The following RFX2 variants were observed in gnomAD, a reference collection of about 807,000 sequenced individuals.
The protein encoded by RFX2 is DNA-binding protein RFX2.
RFX2 carries 20 observed loss-of-function variants against 87.8 expected under a neutral mutation model. The ratio of observed to expected loss-of-function variants is 0.23; its 90% CI spans 0.16 to 0.33. RFX2 has a LOEUF of 0.33. RFX2 is among the 10% of genes least tolerant of loss of function. The pLI is 1.00. For synonymous variants in RFX2, 397 were observed against 431.3 expected (o/e 0.92, Z 0.98); for missense variants, 767 against 1,012.3 (o/e 0.76, Z 3.29).
chr19:6,031,423 CTTTT>C (rs58834364), intron 5 of RFX2, among the ~76,000 whole-genome samples: 4 of 90,186 alleles, frequency 4.4e-5, no homozygotes, highest in African/African-American at 1.7e-4. Context: ...TTCTCCTTCC[CTTTT>C]TTTTTTTTTT....
In RFX2 at chr19:6,010,361, A is replaced by G. The variant is rs1483794369; in HGVS notation, c.900-110T>C. 2.8e-6 allele frequency: 2 copies of G among 710,602 alleles called. No homozygotes were observed. Among genetic ancestry groups the G allele is most frequent in the African/African-American group, 3.5e-5 (2 of 57,064 alleles). 44.0% of individuals were successfully genotyped at this position (710,602 alleles called of 1,614,324 possible). ...AGTCAGGCATGTGTGTGTGATGTTT[A>G]CAAGTTGCGGTCAAATACACATAAC... is the stretch of plus-strand genomic sequence containing the variant. On this transcript the variant is annotated intron_variant, in intron 8 of 17. Coordinates refer to ENST00000303657, the MANE Select transcript of RFX2 (RefSeq NM_000635.4). This position sits in a 1 kb window ranked among gnomAD's most constrained non-coding sequence, Gnocchi z 5.0.
At chr19:6,014,017 T>C (rs1022420872) in intron 7 of RFX2, among the ~76,000 whole-genome samples, 2 of 152,152 alleles carry the variant, frequency 1.3e-5, no homozygotes, top group Non-Finnish European at 2.9e-5. Context: ...AGGCACTGTT[T>C]GGGAACCATT....
At position 6,083,414 on chromosome 19, in the gene RFX2, A is replaced by G. The variant is rs1469833359; in HGVS notation, c.-9+26979T>C. Among the ~76,000 whole-genome samples the G allele has an allele frequency of 6.6e-6, 1 of 152,152 alleles. No homozygotes were observed. Among genetic ancestry groups the G allele is most frequent in the East Asian group, 1.9e-4 (1 of 5,202 alleles). ...TATGGACACTGAAATTTAATTTCAT[A>G]TCATTTTCATGTGTCACAAAATATT... On this transcript the variant is annotated intron_variant, in intron 1 of 17. Transcript: ENST00000303657. The surrounding 1 kb of genome is among the most constrained non-coding windows in gnomAD (Gnocchi z 4.6).
chr19:6,031,579 G>A lies in RFX2; in HGVS notation c.523-5342C>T, dbSNP rs752007468. On this transcript the variant is annotated intron_variant, in intron 5 of 17. Transcript: ENST00000303657. ...CGAGCAGCTGGGATTACAGGTGCCCGCCACCATGCTCAGCTCATTTTTGTA... is the reference window on the plus strand; with the variant it reads ...CGAGCAGCTGGGATTACAGGTGCCCACCACCATGCTCAGCTCATTTTTGTA... Among the ~76,000 whole-genome samples the A allele has an allele frequency of 1.3e-4, 20 of 151,418 alleles. 1 individual carries two copies. The highest frequency in any genetic ancestry group is 1.9e-4 in the East Asian group (1 of 5,150).
Position 6,040,069 on chromosome 19 carries a change from C to A in RFX2, c.433G>T (p.Val145Phe). 6.2e-7 allele frequency: 1 copy of A among 1,612,084 alleles called. No homozygotes were observed. Among genetic ancestry groups the A allele is most frequent in the Non-Finnish European group, 8.5e-7 (1 of 1,179,608 alleles). Residue 145 changes from valine (V) to phenylalanine (F), a missense_variant, in exon 5 of 18, where the codon GTC becomes TTC. This residue lies in a region of RFX2 where 621 missense variants were observed against 873.0 expected (regional missense o/e 0.71). Coordinates refer to ENST00000303657, the MANE Select transcript of RFX2 (RefSeq NM_000635.4). This position sits in a 1 kb window ranked among gnomAD's most constrained non-coding sequence, Gnocchi z 6.1. Reference protein sequence around the residue: ...ITMDVGGSPIVSSAGAYLIHG... With the variant: ...ITMDVGGSPIFSSAGAYLIHG... ...ATGAGATAGGCTCCCGCGCTGGAGACGATGGGGCTCCCCCCGACATCCATG... is the reference window on the plus strand; with the variant it reads ...ATGAGATAGGCTCCCGCGCTGGAGAAGATGGGGCTCCCCCCGACATCCATG...
chr19:6,050,326 T>C lies in RFX2; in HGVS notation c.-8-2822A>G, dbSNP rs769266982. On this transcript the variant is annotated intron_variant, in intron 1 of 17. Transcript: ENST00000303657. This position sits in a 1 kb window ranked among gnomAD's most constrained non-coding sequence, Gnocchi z 4.6. ...TGAAAAGAAACAGGAAAGTGTAACA[T>C]ACACTCAAAAGAAAGAGTAACAAAT... Among the ~76,000 whole-genome samples the C allele has an allele frequency of 1.2e-4, 18 of 152,014 alleles. No homozygotes were observed. Among genetic ancestry groups the C allele is most frequent in the Admixed American group, 2.6e-4 (4 of 15,266 alleles).
At chr19:6,075,691 C>A (rs973707326) in intron 1 of RFX2, among the ~76,000 whole-genome samples, 1 of 152,162 alleles carries the variant, frequency 6.6e-6, no homozygotes, top group Non-Finnish European at 1.5e-5. Flanking sequence ...TCGAATCAGG[C>A]ACCCAGTTTT....
At chr19:6,058,937 C>T (rs1046207143) in intron 1 of RFX2, among the ~76,000 whole-genome samples, 4 of 152,208 alleles carry the variant, frequency 2.6e-5, no homozygotes, top group Admixed American at 2.6e-4. Context: ...GCCAGGGACC[C>T]CCGTCTTAAC....
intron 1 of RFX2, among the ~76,000 whole-genome samples, chr19:6,079,491 G>A (rs1262742953): frequency 6.6e-6 from 1 of 152,216 alleles, no homozygotes; most frequent in Non-Finnish European, 1.5e-5. Context: ...GCTATAGAAA[G>A]GGACAGCAGA....
intron 5 of RFX2, among the ~76,000 whole-genome samples, chr19:6,038,406 T>C (rs555651131): frequency 8.0e-5 from 12 of 150,862 alleles, no homozygotes; most frequent in African/African-American, 2.9e-4. Context: ...GAGAAAATCT[T>C]CATAATGTGC....
Position 6,007,173 on chromosome 19 carries a change from A to C in RFX2, c.1248-7T>G, listed in dbSNP as rs1360409573. 1 of 1,612,424 alleles carries C rather than the reference A, an allele frequency of 6.2e-7. No individual in the cohort carries two copies. Among genetic ancestry groups the C allele is most frequent in the South Asian group, 1.1e-5 (1 of 90,992 alleles). ...GCCCTCGGGGTCTTCGTCACTGTGG[A>C]GGGAGGGGGGACAGGTGAGCTGTGG... On this transcript the variant is annotated splice_polypyrimidine_tract_variant and splice_region_variant and intron_variant, in intron 11 of 17. Coordinates refer to ENST00000303657, the MANE Select transcript of RFX2 (RefSeq NM_000635.4). The surrounding 1 kb of genome is among the most constrained non-coding windows in gnomAD (Gnocchi z 8.2).
intron 1 of RFX2, among the ~76,000 whole-genome samples, chr19:6,065,069 G>A (rs1349926338): frequency 1.3e-5 from 2 of 152,140 alleles, no homozygotes; most frequent in African/African-American, 2.4e-5. Context: ...AATTTTAAAT[G>A]AGGCTCTAAT....
At chr19:6,028,640 C>T (rs1341168685) in intron 5 of RFX2, among the ~76,000 whole-genome samples, 1 of 151,718 alleles carries the variant, frequency 6.6e-6, no homozygotes, top group African/African-American at 2.4e-5. Flanking sequence ...CAAAAATTGT[C>T]AGAATCGACT....
Position 6,016,472 on chromosome 19 carries a change from CCT to C in RFX2, c.598-203_598-202del. ...GTGGCGCAATCTCGGCTCACTGCAG[CCT>C]CTGTCTCCTGGGTTCAAGCAATTTT... is the stretch of plus-strand genomic sequence containing the variant. On this transcript the variant is annotated intron_variant, in intron 6 of 17. Coordinates refer to ENST00000303657, the MANE Select transcript of RFX2 (RefSeq NM_000635.4). The surrounding 1 kb of genome is among the most constrained non-coding windows in gnomAD (Gnocchi z 5.4). Among the ~76,000 whole-genome samples, 1 of 152,284 alleles carries C rather than the reference CCT, an allele frequency of 6.6e-6. No individual in the cohort carries two copies. The highest frequency in any genetic ancestry group is 1.9e-4 in the East Asian group (1 of 5,186).
chr19:6,000,218 C>G (rs1867478424), intron 15 of RFX2, among the ~76,000 whole-genome samples: 1 of 152,168 alleles, frequency 6.6e-6, no homozygotes, highest in South Asian at 2.1e-4. Context: ...CTTCTGACCC[C>G]AAGTGATCCA....
At chr19:6,078,935 C>A (rs1301238256) in intron 1 of RFX2, among the ~76,000 whole-genome samples, 2 of 152,210 alleles carry the variant, frequency 1.3e-5, no homozygotes, top group African/African-American at 4.8e-5. Context: ...GCCACCATGC[C>A]CAGCTAATTT....
At chr19:6,102,869 A>C (rs1296997141) in intron 1 of RFX2, among the ~76,000 whole-genome samples, 1 of 152,180 alleles carries the variant, frequency 6.6e-6, no homozygotes, top group East Asian at 1.9e-4. Context: ...TCACATCTAT[A>C]ATCTCAGCTA....
In RFX2 at chr19:6,110,119, G is replaced by GCCCCAA. The variant is rs2088282324; in HGVS notation, c.-9+268_-9+273dup. Among the ~76,000 whole-genome samples the GCCCCAA allele has an allele frequency of 6.6e-6, 1 of 152,072 alleles. No homozygotes were observed. Among genetic ancestry groups the GCCCCAA allele is most frequent in the African/African-American group, 2.4e-5 (1 of 41,406 alleles). The stretch of plus-strand genomic sequence containing the variant: ...AAGCGTGAGAAAGGGGTCCCCGGAC[G>GCCCCAA]CCCCAACCTCAGGAAGTTTTGTAAA... On this transcript the variant is annotated intron_variant, in intron 1 of 17. Transcript: ENST00000303657. The surrounding 1 kb of genome is among the most constrained non-coding windows in gnomAD (Gnocchi z 4.3).
chr19:6,050,166 T>A lies in RFX2; in HGVS notation c.-8-2662A>T, dbSNP rs2087250211. ...AAAGATAAAAAAATTAAGTGAAGAT[T>A]TCAGCTGCTGCCTGTTGCAGGAGGG... On this transcript the variant is annotated intron_variant, in intron 1 of 17. Coordinates refer to ENST00000303657, the MANE Select transcript of RFX2 (RefSeq NM_000635.4). This position sits in a 1 kb window ranked among gnomAD's most constrained non-coding sequence, Gnocchi z 4.6. Among the ~76,000 whole-genome samples the A allele has an allele frequency of 6.6e-6, 1 of 152,122 alleles. No homozygotes were observed. The highest frequency in any genetic ancestry group is 2.1e-4 in the South Asian group (1 of 4,816).
Sources: gnomAD v4.1 joint callset for allele counts (sites outside exome capture counted in the v4.1 genomes callset) on GRCh38, gnomAD v4.1.1 for gene constraint, gnomAD v4.1.1 regional missense constraint, Gnocchi (gnomAD v3.1) non-coding constraint, MANE v1.5 for transcripts, NCBI Gene and HGNC (gene_info 2026-07-23, HGNC 2026-07-21) for gene names.